The following NEXMIF variants were observed in gnomAD, a reference collection of about 807,000 sequenced individuals.
The protein encoded by NEXMIF is neurite extension and migration factor, also known as XLMR protein related to neurite extension.
Under a neutral mutation model 62.1 loss-of-function variants are expected in NEXMIF, and 8 were observed. That is an observed-to-expected ratio of 0.13 (90% CI 0.08 to 0.23). NEXMIF has a LOEUF of 0.23. NEXMIF is among the 10% of genes least tolerant of loss of function. NEXMIF has a pLI of 1.00. For missense variants in NEXMIF, 976 were observed against 1,113.3 expected (o/e 0.88, Z 1.75); for synonymous variants, 404 against 416.6 (o/e 0.97, Z 0.37).
Position 74,743,795 on chromosome X carries a change from G to A in NEXMIF, c.762C>T (p.Ser254=). 1 of 1,211,128 alleles carries A rather than the reference G, an allele frequency of 8.3e-7. No individual in the cohort carries two copies. The highest frequency in any genetic ancestry group is 1.1e-6 in the Non-Finnish European group (1 of 895,112). Residue 254 remains serine, a synonymous_variant, in exon 3 of 4, where the codon TCC becomes TCT. Coordinates refer to ENST00000055682, the MANE Select transcript of NEXMIF (RefSeq NM_001008537.3). ...CNTEEALLAN[S]NQDWGYFETF... is the part of the protein sequence containing the mutation. The stretch of plus-strand genomic sequence containing the variant: ...TCTCGAAGTAACCCCAATCCTGATT[G>A]GAATTTGCAAGCAAAGCTTCTTCTG...
intron 1 of NEXMIF, among the ~76,000 whole-genome samples, chrX:74,864,659 T>C (rs1462677599): frequency 1.8e-5 from 2 of 112,095 alleles, no homozygotes; most frequent in Non-Finnish European, 3.8e-5. Context: ...CATGGGGAAC[T>C]GTGAGTCCAT....
chrX:74,885,802 G>T (rs1445156240), intron 1 of NEXMIF, among the ~76,000 whole-genome samples: 1 of 111,431 alleles, frequency 9.0e-6, no homozygotes, highest in African/African-American at 3.3e-5. Context: ...ATTTTATGAG[G>T]CCAGCATCAT....
intron 1 of NEXMIF, among the ~76,000 whole-genome samples, chrX:74,876,674 C>G (rs1448313798): frequency 9.9e-6 from 1 of 101,214 alleles, no homozygotes; most frequent in Non-Finnish European, 2.0e-5. Flanking sequence ...TCTGGGTGCT[C>G]CTGTATTGGG....
chrX:74,874,789 CTGTT>C (rs1476063725), intron 1 of NEXMIF, among the ~76,000 whole-genome samples: 3 of 94,205 alleles, frequency 3.2e-5, no homozygotes, highest in East Asian at 3.6e-4. Flanking sequence ...ATTTGGCTCT[CTGTT>C]TGTCTGTTGT....
At chrX:74,886,326 G>C (rs2080692957) in intron 1 of NEXMIF, among the ~76,000 whole-genome samples, 1 of 111,448 alleles carries the variant, frequency 9.0e-6, no homozygotes, top group Non-Finnish European at 1.9e-5. Context: ...AGGAAATAAA[G>C]GGTATTCAAT....
intron 1 of NEXMIF, among the ~76,000 whole-genome samples, chrX:74,796,638 C>T (rs1170068943): frequency 9.1e-6 from 1 of 110,089 alleles, no homozygotes; most frequent in African/African-American, 3.3e-5. Flanking sequence ...CAGGAACCAA[C>T]CTGAAATAAT....
intron 1 of NEXMIF, among the ~76,000 whole-genome samples, chrX:74,873,118 C>T (rs1602258738): frequency 9.1e-6 from 1 of 110,321 alleles, no homozygotes; most frequent in Admixed American, 9.7e-5. Flanking sequence ...TTAGGTATAT[C>T]TCCCAATGCT....
In NEXMIF at chrX:74,923,587, A is replaced by G. The variant is rs187511584; in HGVS notation, c.-48+1296T>C. On this transcript the variant is annotated intron_variant, in intron 1 of 3. Transcript: ENST00000055682. The stretch of plus-strand genomic sequence containing the variant: ...TTGGTCATATGTTACCTCATGTGTA[A>G]AAGATGTAAGGGAGATTCACCCCTC... 4.5e-5 allele frequency among the ~76,000 whole-genome samples: 5 copies of G among 112,152 alleles called. No individual in the cohort carries two copies. In the East Asian group the frequency reaches 1.4e-3, roughly 31 times the overall value.
intron 1 of NEXMIF, among the ~76,000 whole-genome samples, chrX:74,869,771 T>C (rs2080593518): frequency 9.0e-6 from 1 of 111,119 alleles, no homozygotes; most frequent in Non-Finnish European, 1.9e-5. Flanking sequence ...AGAAGTGAAA[T>C]ATCTGTGCAA....
chrX:74,772,176 G>A (rs1249048166), intron 1 of NEXMIF, among the ~76,000 whole-genome samples: 1 of 112,213 alleles, frequency 8.9e-6, no homozygotes, highest in Non-Finnish European at 1.9e-5. Context: ...TATAGTGTCT[G>A]CAAATATTTG....
At chrX:74,828,062 A>C (rs1053468869) in intron 1 of NEXMIF, among the ~76,000 whole-genome samples, 7 of 112,094 alleles carry the variant, frequency 6.2e-5, no homozygotes, top group Admixed American at 5.7e-4. Context: ...TACAAAGATA[A>C]TGGAAACAAG....
intron 1 of NEXMIF, among the ~76,000 whole-genome samples, chrX:74,822,138 T>C (rs762814627): frequency 7.2e-5 from 8 of 110,767 alleles, no homozygotes; most frequent in Non-Finnish European, 1.5e-4. Flanking sequence ...AATATCCACA[T>C]GCAAAAGAAT....
chrX:74,886,993 C>A (rs957645558), intron 1 of NEXMIF, among the ~76,000 whole-genome samples: 2 of 111,474 alleles, frequency 1.8e-5, no homozygotes, highest in African/African-American at 6.6e-5. Context: ...AGAAATAATG[C>A]CGCGTATGTA....
intron 1 of NEXMIF, among the ~76,000 whole-genome samples, chrX:74,858,432 C>T (rs1447939900): frequency 8.9e-6 from 1 of 112,433 alleles, no homozygotes; most frequent in Non-Finnish European, 1.9e-5. Context: ...AAGGTGGTAC[C>T]TCTATAAGAC....
chrX:74,868,657 A>G (rs945000729), intron 1 of NEXMIF, among the ~76,000 whole-genome samples: 2 of 109,813 alleles, frequency 1.8e-5, no homozygotes, highest in Non-Finnish European at 3.8e-5. Flanking sequence ...CATCAGGATA[A>G]ATAGCTAATA....
chrX:74,782,367 TTAA>T (rs1444721979), intron 1 of NEXMIF, among the ~76,000 whole-genome samples: 53 of 111,686 alleles, frequency 4.7e-4, no homozygotes, highest in Non-Finnish European at 1.1e-4. Flanking sequence ...TTAGAATATC[TTAA>T]TAAAATATAC....
chrX:74,816,850 T>A (rs1347798488), intron 1 of NEXMIF, among the ~76,000 whole-genome samples: 1 of 112,178 alleles, frequency 8.9e-6, no homozygotes, highest in South Asian at 3.7e-4. Flanking sequence ...TAGTATACCA[T>A]CTGCTGTGAT....
intron 1 of NEXMIF, among the ~76,000 whole-genome samples, chrX:74,881,132 T>G (rs1230321255): frequency 9.0e-6 from 1 of 110,566 alleles, no homozygotes; most frequent in Non-Finnish European, 1.9e-5. Flanking sequence ...GCCTATAAAG[T>G]TTGGAAATTG....
intron 1 of NEXMIF, among the ~76,000 whole-genome samples, chrX:74,869,151 T>G (rs955544626): frequency 2.7e-5 from 3 of 111,943 alleles, no homozygotes; most frequent in African/African-American, 3.2e-5. Context: ...ATCCCAGGAA[T>G]GAAAGGGTGG....
Sources: gnomAD v4.1 joint callset for allele counts (sites outside exome capture counted in the v4.1 genomes callset) on GRCh38, gnomAD v4.1.1 for gene constraint, MANE v1.5 for transcripts, NCBI Gene and HGNC (gene_info 2026-07-23, HGNC 2026-07-21) for gene names.